The following ZNF66 variants were observed in gnomAD, a reference collection of about 807,000 sequenced individuals.
ZNF66 encodes zinc finger protein 66.
In ZNF66, 32 loss-of-function variants were observed where a neutral mutation model predicts 35.2. That is an observed-to-expected ratio of 0.91 (90% CI 0.69 to 1.22). ZNF66 has a LOEUF of 1.22. ZNF66 is among the 50% of genes most tolerant of loss of function. The pLI, the probability that ZNF66 is intolerant of heterozygous loss-of-function variation, is 0.00. For missense variants in ZNF66, 666 were observed against 543.1 expected (o/e 1.23, Z -2.25); for synonymous variants, 231 against 181.3 (o/e 1.27, Z -2.20).
chr19:20,786,351 C>T (rs1377923060), intron 1 of ZNF66, among the ~76,000 whole-genome samples: 1 of 152,198 alleles, frequency 6.6e-6, no homozygotes, highest in African/African-American at 2.4e-5. Flanking sequence ...ACCTCTTTCA[C>T]TGACTCTTGT....
chr19:20,781,414 CTGT>C (rs1207825221), intron 1 of ZNF66, among the ~76,000 whole-genome samples: 6 of 152,114 alleles, frequency 3.9e-5, no homozygotes, highest in African/African-American at 1.4e-4. Flanking sequence ...GCCTCAGTGT[CTGT>C]TGTTCTCCTC....
rs1971539393 is a variant in ZNF66, at chr19:20,807,855, G to A, written c.*533G>A. On this transcript the variant is annotated 3_prime_UTR_variant, in exon 4 of 4. Transcript: ENST00000344519. ...TCATCTCACTAGGGAGTGCCAGACA[G>A]TGGCTGCAGGACAGTGGGTGCAGTG... Among the ~76,000 whole-genome samples the A allele has an allele frequency of 6.6e-6, 1 of 152,188 alleles. No individual in the cohort carries two copies. The highest frequency in any genetic ancestry group is 2.1e-4 in the South Asian group (1 of 4,830).
chr19:20,791,699 A>G (rs2144901518), intron 1 of ZNF66, among the ~76,000 whole-genome samples: 1 of 152,152 alleles, frequency 6.6e-6, no homozygotes, highest in Non-Finnish European at 1.5e-5. Context: ...TTCAGATTTT[A>G]TTTGCTTTTT....
chr19:20,784,072 G>A (rs1047407862), intron 1 of ZNF66, among the ~76,000 whole-genome samples: 1 of 152,044 alleles, frequency 6.6e-6, no homozygotes, highest in Non-Finnish European at 1.5e-5. Flanking sequence ...TGTCCAGCTT[G>A]ATCTTGAACT....
intron 1 of ZNF66, among the ~76,000 whole-genome samples, chr19:20,786,577 T>A (rs961241723): frequency 6.6e-6 from 1 of 152,162 alleles, no homozygotes. Flanking sequence ...GTCATGAGAT[T>A]TGAGAAATAA....
chr19:20,807,330 T>C lies in ZNF66; in HGVS notation c.*8T>C, dbSNP rs905628374. On this transcript the variant is annotated 3_prime_UTR_variant, in exon 4 of 4. Transcript: ENST00000344519. ...AATGTGGCAAAGCCTTAGACACTCC[T>C]CTACCCTTACTAGACATAAGATAAT... 11 of 626,776 alleles carry C rather than the reference T, an allele frequency of 1.8e-5. No individual in the cohort carries two copies. Among genetic ancestry groups the C allele is most frequent in the Non-Finnish European group, 2.6e-5 (9 of 347,876 alleles). The allele number at this position is 626,776 out of a possible 1,614,324, so 38.8% of individuals were successfully genotyped here.
At chr19:20,797,211 T>TGAGTAAACA (rs1449228479) in intron 3 of ZNF66, among the ~76,000 whole-genome samples, 4 of 96,524 alleles carry the variant, frequency 4.1e-5, no homozygotes, top group African/African-American at 1.3e-4. Flanking sequence ...TTTTTTTTTT[T>TGAGTAAACA]TTTTTTTTTT....
Position 20,808,756 on chromosome 19 carries a change from C to A in ZNF66, c.*1434C>A, listed in dbSNP as rs541550521. Among the ~76,000 whole-genome samples, 3 of 151,924 alleles carry A rather than the reference C, an allele frequency of 2.0e-5. No homozygotes were observed. In the South Asian group the frequency reaches 6.2e-4, roughly 32 times the overall value. ...CCACAAAGATGGGGAAAAAACAGAG[C>A]AGAAAAACTGGAAAGTCTAAAAAGC... On this transcript the variant is annotated 3_prime_UTR_variant, in exon 4 of 4. Coordinates refer to ENST00000344519, the MANE Select transcript of ZNF66 (RefSeq NM_001355197.2).
intron 3 of ZNF66, among the ~76,000 whole-genome samples, chr19:20,797,781 C>G (rs1971409592): frequency 6.6e-6 from 1 of 152,070 alleles, no homozygotes; most frequent in Admixed American, 6.5e-5. Flanking sequence ...CCAGTCTGGT[C>G]TGGAACTGGT....
intron 3 of ZNF66, among the ~76,000 whole-genome samples, chr19:20,800,648 A>G (rs448677): frequency 0.79 from 119,506 of 152,060 alleles, 47,215 homozygotes; most frequent in Non-Finnish European, 0.83. Context: ...CCTCACACTT[A>G]CTCTGTCTCT....
chr19:20,797,786 A>T (rs969143162), intron 3 of ZNF66, among the ~76,000 whole-genome samples: 2 of 151,640 alleles, frequency 1.3e-5, no homozygotes, highest in Admixed American at 1.3e-4. Context: ...CTGGTCTGGA[A>T]CTGGTGACCT....
At chr19:20,802,905 A>G (rs913448216) in intron 3 of ZNF66, among the ~76,000 whole-genome samples, 5 of 152,196 alleles carry the variant, frequency 3.3e-5, no homozygotes, top group Non-Finnish European at 5.9e-5. Context: ...AATTTGTCAT[A>G]GATTCCCAGT....
chr19:20,783,374 T>C (rs12984979), intron 1 of ZNF66, among the ~76,000 whole-genome samples: 14,264 of 152,282 alleles, frequency 0.094, 793 homozygotes, highest in Non-Finnish European at 0.12. Flanking sequence ...ATTTAGATTA[T>C]ATGTAGATAT....
In ZNF66 at chr19:20,807,192, A is replaced by T. The variant is rs751012838; in HGVS notation, c.1592A>T (p.His531Leu). ...ACCCTTACTAGACATAAGAAAATTCATACTGGAGGGAAACCACACAAGTGC... is the reference window on the plus strand; with the variant it reads ...ACCCTTACTAGACATAAGAAAATTCTTACTGGAGGGAAACCACACAAGTGC... ...SSTLTRHKKI[H>L]TGGKPHKCNK... is the part of the protein sequence containing the mutation. The change falls in exon 4 of 4, where the codon CAT (histidine) becomes CTT (leucine). Residue 531 changes from histidine to leucine, a missense_variant. Transcript: ENST00000344519. The T allele has an allele frequency of 1.8e-5, 13 of 735,714 alleles. No individual in the cohort carries two copies. Among genetic ancestry groups the T allele is most frequent in the Middle Eastern group, 2.4e-4 (1 of 4,186 alleles). 45.6% of individuals were successfully genotyped at this position (735,714 alleles called of 1,614,324 possible). A position where few individuals can be genotyped will look rare whatever the true frequency, so the allele number is the denominator to read the frequency against.
intron 1 of ZNF66, among the ~76,000 whole-genome samples, chr19:20,788,648 C>A (rs1477842322): frequency 6.6e-6 from 1 of 152,014 alleles, no homozygotes; most frequent in Non-Finnish European, 1.5e-5. Context: ...TGTGATCTAC[C>A]CGCGTCATCC....
In ZNF66 at chr19:20,776,428, G is replaced by A. The variant is rs2144886460; in HGVS notation, c.-20G>A. On this transcript the variant is annotated 5_prime_UTR_variant, in exon 1 of 4. Coordinates refer to ENST00000344519, the MANE Select transcript of ZNF66 (RefSeq NM_001355197.2). ...GGGAGATCCACAGCTAAGACGCCAG[G>A]ACCCCCTGGAAGCCTAGAAATGGTG... 1.9e-6 allele frequency: 3 copies of A among 1,558,296 alleles called. No homozygotes were observed. Among genetic ancestry groups the A allele is most frequent in the Non-Finnish European group, 2.7e-6 (3 of 1,131,236 alleles).
intron 1 of ZNF66, among the ~76,000 whole-genome samples, chr19:20,787,661 A>C (rs1470700513): frequency 6.6e-6 from 1 of 152,220 alleles, no homozygotes; most frequent in Admixed American, 6.5e-5. Flanking sequence ...TCCAGGAGGA[A>C]ATAGAATCTG....
At chr19:20,799,307 C>G (rs1971426575) in intron 3 of ZNF66, 1 of 151,886 alleles carries the variant, frequency 6.6e-6, no homozygotes, top group Non-Finnish European at 1.5e-5. Flanking sequence ...GGTTATCTGC[C>G]CACCTCAACC....
chr19:20,794,416 T>C (rs1363064282), intron 3 of ZNF66: 1 of 152,136 alleles, frequency 6.6e-6, no homozygotes, highest in Non-Finnish European at 1.5e-5. Context: ...CAAGATTGCT[T>C]TGGCTATTCA....
Sources: gnomAD v4.1 joint callset for allele counts (sites outside exome capture counted in the v4.1 genomes callset) on GRCh38, gnomAD v4.1.1 for gene constraint, MANE v1.5 for transcripts, NCBI Gene and HGNC (gene_info 2026-07-23, HGNC 2026-07-21) for gene names.